The following CSMD1 variants were observed in gnomAD, a reference collection of about 807,000 sequenced individuals.
CSMD1 encodes the protein CUB and Sushi multiple domains 1.
In CSMD1, 213 loss-of-function variants were observed where a neutral mutation model predicts 417.5. That is an observed-to-expected ratio of 0.51 (90% confidence interval 0.46 to 0.57). The LOEUF (loss-of-function observed/expected upper bound fraction) is 0.57, where lower values mean the gene tolerates loss of function less well. CSMD1 is among the 20% of genes least tolerant of loss of function. The probability of loss-of-function intolerance (pLI) is 0.00; values close to 1 mark genes in which losing one functional copy is unlikely to be tolerated. For synonymous variants in CSMD1, 2,862 were observed against 1,736.8 expected (o/e 1.65, Z -16.11); for missense variants, 6,923 against 4,529.7 (o/e 1.53, Z -15.17).
intron 8 of CSMD1, among the ~76,000 whole-genome samples, chr8:3,603,773 T>C (rs1007833069): frequency 2.0e-5 from 3 of 152,254 alleles, no homozygotes; most frequent in African/African-American, 7.2e-5. Flanking sequence ...GTTTCATCTA[T>C]TAGTAAACTA....
chr8:3,470,948 G>C (rs1024469495), intron 11 of CSMD1, among the ~76,000 whole-genome samples: 3 of 152,150 alleles, frequency 2.0e-5, no homozygotes, highest in Admixed American at 6.6e-5. Flanking sequence ...ACTGATACTA[G>C]TTTTGGCAGA....
chr8:4,766,018 T>A (rs1364002261), intron 1 of CSMD1, among the ~76,000 whole-genome samples: 1 of 152,208 alleles, frequency 6.6e-6, no homozygotes, highest in Non-Finnish European at 1.5e-5. Context: ...CAAATATATA[T>A]TTTTTAATCT....
chr8:3,371,320 C>G (rs566648243), intron 18 of CSMD1, among the ~76,000 whole-genome samples: 18 of 152,156 alleles, frequency 1.2e-4, no homozygotes, highest in Non-Finnish European at 2.6e-4. Context: ...TCTGTGCTTC[C>G]ATGGCCTCAC....
rs191175456 is a variant in CSMD1, at chr8:3,964,130, G to A, written c.818+33773C>T. ...CTGCTTTCAGAAAAAAAAGTTTTGC[G>A]TAAAATTCACCCAAGAGGGTGAAGA... On this transcript the variant is annotated intron_variant, in intron 5 of 69. Transcript: ENST00000635120. 5.4e-3 allele frequency among the ~76,000 whole-genome samples: 818 copies of A among 152,248 alleles called. 5 individuals carry two copies. The highest frequency in any genetic ancestry group is 8.2e-3 in the Non-Finnish European group (561 of 68,002).
Position 4,741,766 on chromosome 8 carries a change from A to G in CSMD1, c.86-104208T>C, listed in dbSNP as rs1050535969. Among the ~76,000 whole-genome samples the G allele has an allele frequency of 3.4e-4, 51 of 152,216 alleles. 2 individuals carry two copies. The highest frequency in any genetic ancestry group is 3.4e-3 in the Middle Eastern group (1 of 294). On this transcript the variant is annotated intron_variant, in intron 1 of 69. Transcript: ENST00000635120. ...AGTGGAGAGTCTCAGGCCCCAACCC[A>G]GACCTGCAGGATGCAAATCTGCTTC...
chr8:3,525,564 T>C lies in CSMD1; in HGVS notation c.1345-31838A>G, dbSNP rs573573574. Among the ~76,000 whole-genome samples, 13 of 152,258 alleles carry C rather than the reference T, an allele frequency of 8.5e-5. No individual in the cohort carries two copies. In the South Asian group the frequency reaches 2.3e-3, roughly 27 times the overall value. ...TGAAAGCGATTGCCTCTCTTGACAG[T>C]TCAGGGAACAAGCAGAGGGATAAGT... On this transcript the variant is annotated intron_variant, in intron 10 of 69. Coordinates refer to ENST00000635120, the MANE Select transcript of CSMD1 (RefSeq NM_033225.6).
intron 17 of CSMD1, among the ~76,000 whole-genome samples, chr8:3,390,552 G>C (rs192571634): frequency 1.3e-5 from 2 of 151,892 alleles, no homozygotes; most frequent in East Asian, 1.9e-4. Context: ...ACAGACCACC[G>C]GACTTTGTTG....
chr8:3,905,469 G>A (rs909622544), intron 5 of CSMD1, among the ~76,000 whole-genome samples: 4 of 152,218 alleles, frequency 2.6e-5, no homozygotes, highest in African/African-American at 4.8e-5. Context: ...CGGGTCCAAT[G>A]ACGGTGACTT....
intron 5 of CSMD1, among the ~76,000 whole-genome samples, chr8:3,885,067 C>T (rs891640946): frequency 1.3e-5 from 2 of 151,962 alleles, no homozygotes; most frequent in Non-Finnish European, 2.9e-5. Context: ...TTCTACCATG[C>T]TTATAAAGCA....
chr8:3,235,141 G>A (rs960797247), intron 26 of CSMD1, among the ~76,000 whole-genome samples: 3 of 152,138 alleles, frequency 2.0e-5, no homozygotes, highest in Admixed American at 1.3e-4. Context: ...GTCATACAGT[G>A]ATAGTCACTG....
intron 3 of CSMD1, among the ~76,000 whole-genome samples, chr8:4,089,805 T>C (rs569331729): frequency 6.6e-6 from 1 of 152,206 alleles, no homozygotes; most frequent in South Asian, 2.1e-4. Flanking sequence ...CTACCGAGTG[T>C]GTTTGGTCTT....
chr8:4,585,622 G>C (rs1173567326), intron 2 of CSMD1, among the ~76,000 whole-genome samples: 1 of 152,068 alleles, frequency 6.6e-6, no homozygotes, highest in Non-Finnish European at 1.5e-5. Context: ...TTTAATCATA[G>C]AAAAAGGACT....
At chr8:3,301,845 C>A (rs1039313285) in intron 25 of CSMD1, among the ~76,000 whole-genome samples, 1 of 152,068 alleles carries the variant, frequency 6.6e-6, no homozygotes, top group Non-Finnish European at 1.5e-5. Flanking sequence ...ACTAAAGTAA[C>A]AGGAAAGTCA....
At chr8:3,549,570 T>C (rs1287014799) in intron 10 of CSMD1, among the ~76,000 whole-genome samples, 1 of 152,242 alleles carries the variant, frequency 6.6e-6, no homozygotes, top group Non-Finnish European at 1.5e-5. Context: ...AATGCATTAA[T>C]TTGTTAATGA....
intron 1 of CSMD1, among the ~76,000 whole-genome samples, chr8:4,909,103 G>A (rs1473626390): frequency 1.3e-5 from 2 of 152,304 alleles, no homozygotes; most frequent in East Asian, 1.9e-4. Context: ...TTTAATGCTT[G>A]CTGTAGGTGT....
chr8:4,549,570 G>A (rs974439571), intron 2 of CSMD1, among the ~76,000 whole-genome samples: 1 of 151,936 alleles, frequency 6.6e-6, no homozygotes, highest in African/African-American at 2.4e-5. Context: ...CCCGCATTAC[G>A]TGATGCTGGC....
intron 3 of CSMD1, among the ~76,000 whole-genome samples, chr8:4,121,390 C>G (rs1486666679): frequency 2.0e-5 from 3 of 152,178 alleles, no homozygotes; most frequent in Non-Finnish European, 4.4e-5. Context: ...GCTGGGATTA[C>G]AGGCATGAGT....
chr8:4,663,624 T>C (rs368247959), intron 1 of CSMD1, among the ~76,000 whole-genome samples: 1 of 152,162 alleles, frequency 6.6e-6, no homozygotes, highest in Non-Finnish European at 1.5e-5. Context: ...AAGACATGCC[T>C]ACTTTCCCTT....
intron 40 of CSMD1, among the ~76,000 whole-genome samples, chr8:3,149,103 A>G (rs1198605212): frequency 1.3e-5 from 2 of 152,158 alleles, no homozygotes; most frequent in Non-Finnish European, 2.9e-5. Context: ...TTCTTTAAAT[A>G]GTTTGTTTAG....
Sources: gnomAD v4.1 joint callset for allele counts (sites outside exome capture counted in the v4.1 genomes callset) on GRCh38, gnomAD v4.1.1 for gene constraint, MANE v1.5 for transcripts, NCBI Gene and HGNC (gene_info 2026-07-23, HGNC 2026-07-21) for gene names.